Variants in SOX7 observed in about 807,000 individuals in gnomAD.
The protein encoded by SOX7 is transcription factor SOX-7.
SOX7 carries 19 observed loss-of-function variants against 24.9 expected under a neutral mutation model. That is an observed-to-expected ratio of 0.76 (90% confidence interval 0.53 to 1.12). The LOEUF (loss-of-function observed/expected upper bound fraction) is 1.12, where lower values mean the gene tolerates loss of function less well. Among genes scored for constraint, SOX7 ranks in the 50% most tolerant of loss-of-function variants. SOX7 has a pLI of 0.00. For missense variants in SOX7, 702 were observed against 535.0 expected, an observed-to-expected ratio of 1.31 and a Z score of -3.08; for synonymous variants, 327 against 244.5, an observed-to-expected ratio of 1.34 and a Z score of -3.15.
Position 10,726,029 on chromosome 8 carries a change from G to C in SOX7, c.876C>G (p.Leu292=), listed in dbSNP as rs774903179. 4.3e-5 allele frequency: 68 copies of C among 1,579,666 alleles called. 1 individual carries two copies. The South Asian group carries it at 7.5e-4, about 17-fold the overall frequency. ...AYYSPATYHP[L]HSNLQAHLGQ... ...CCAGGTGGGCTTGGAGGTTGGAGTG[G>C]AGTGGGTGGTAGGTGGCCGGGGAGT... The change falls in exon 2 of 2, where the codon CTC becomes CTG. Residue 292 remains leucine, a synonymous_variant. Coordinates refer to ENST00000304501, the MANE Select transcript of SOX7 (RefSeq NM_031439.4).
intron 1 of SOX7, among the ~76,000 whole-genome samples, chr8:10,729,990 G>C (rs557779365): frequency 6.6e-6 from 1 of 151,886 alleles, no homozygotes; most frequent in East Asian, 2.0e-4. Context: ...TTTCACTTTG[G>C]ACCGCGCCAA....
intron 1 of SOX7, among the ~76,000 whole-genome samples, chr8:10,729,081 A>C (rs1352830978): frequency 2.0e-5 from 3 of 152,050 alleles, no homozygotes; most frequent in Non-Finnish European, 2.9e-5. Flanking sequence ...CACTCCATCA[A>C]CTGCTTTGCA....
chr8:10,725,868 G>C lies in SOX7; in HGVS notation c.1037C>G (p.Thr346Arg). Residue 346 changes from threonine to arginine, a missense_variant, in exon 2 of 2, where the codon ACA becomes AGA. Thr to Arg is a moderately conservative substitution (Grantham distance 71). Transcript: ENST00000304501. ...LNTPGHPDSA[T>R]GAMALSGHVP... ...ATGCCCACTGAGGGCCATGGCCCCTGTGGCGGAGTCTGGGTGGCCAGGAGT... is the reference window on the plus strand; with the variant it reads ...ATGCCCACTGAGGGCCATGGCCCCTCTGGCGGAGTCTGGGTGGCCAGGAGT... 6.2e-7 allele frequency: 1 copy of C among 1,614,236 alleles called. No individual in the cohort carries two copies.
At position 10,730,215 on chromosome 8, in the gene SOX7, G is replaced by T. The variant is rs991656737; in HGVS notation, c.219C>A (p.Ala73=). 6.5e-7 allele frequency: 1 copy of T among 1,542,812 alleles called. No individual in the cohort carries two copies. The highest frequency in any genetic ancestry group is 2.1e-5 in the Admixed American group (1 of 48,764). ...LAVQNPDLHN[A]ELSKMLGKSW... The stretch of plus-strand genomic sequence containing the variant: ...ACTCACCCAGCATCTTGCTGAGCTC[G>T]GCGTTGTGCAGGTCCGGGTTCTGCA... The change falls in exon 1 of 2, where the codon GCC becomes GCA. Residue 73 remains alanine (A), a synonymous_variant. Transcript: ENST00000304501. This position sits in a 1 kb window ranked among gnomAD's most constrained non-coding sequence, Gnocchi z 4.8.
In SOX7 at chr8:10,727,014, G is replaced by A. The variant is rs957654471; in HGVS notation, c.239-348C>T. On this transcript the variant is annotated intron_variant, in intron 1 of 1. Transcript: ENST00000304501. ...CAGCTACGGGAAGAAAATATCTAAT[G>A]ATCACGATATTGATTGGGGCTCTTT... Among the ~76,000 whole-genome samples, 4 of 152,184 alleles carry A rather than the reference G, an allele frequency of 2.6e-5. No individual in the cohort carries two copies. The East Asian group carries it at 7.7e-4, about 29-fold the overall frequency.
chr8:10,729,871 G>C (rs1368231673), intron 1 of SOX7, among the ~76,000 whole-genome samples: 1 of 152,044 alleles, frequency 6.6e-6, no homozygotes, highest in Non-Finnish European at 1.5e-5. Flanking sequence ...ATGCACGCCG[G>C]TCCCTGTCGC....
At chr8:10,727,972 G>T (rs1563179908) in intron 1 of SOX7, among the ~76,000 whole-genome samples, 1 of 152,240 alleles carries the variant, frequency 6.6e-6, no homozygotes, top group Non-Finnish European at 1.5e-5. Flanking sequence ...TAAGGGCATT[G>T]TACCAATTGG....
intron 1 of SOX7, among the ~76,000 whole-genome samples, chr8:10,727,157 C>T (rs1201106263): frequency 6.6e-6 from 1 of 152,190 alleles, no homozygotes; most frequent in Non-Finnish European, 1.5e-5. Context: ...AATCTCACAG[C>T]CCTTTCTGGG....
In SOX7 at chr8:10,725,461, T is replaced by C; in HGVS notation, c.*277A>G. The C allele has an allele frequency of 2.0e-6, 1 of 497,622 alleles. No homozygotes were observed. The highest frequency in any genetic ancestry group is 3.6e-6 in the Non-Finnish European group (1 of 278,914). The allele number at this position is 497,622 out of a possible 1,614,324, so 30.8% of individuals were successfully genotyped here. On this transcript the variant is annotated 3_prime_UTR_variant, in exon 2 of 2. Transcript: ENST00000304501. ...TACCAAGAAAAGACGTCAGTGAACA[T>C]TCCACTGGGAGACAGCAACTCTCAG... is the stretch of plus-strand genomic sequence containing the variant.
At chr8:10,726,769 T>G in intron 1 of SOX7, 103 bp from the exon 2 acceptor site, 2 of 1,058,102 alleles carry the variant, frequency 1.9e-6, no homozygotes, top group East Asian at 2.6e-5. Context: ...CACACCTCCC[T>G]TCCCCCTCCC....
chr8:10,725,991 G>A lies in SOX7; in HGVS notation c.914C>T (p.Pro305Leu). Reference sequence around the variant, plus strand: ...GTCGAAGCCAGGGTGCTCAGGAGGCGGGGAAAGCTGGCCCAGGTGGGCTTG... The same window carrying A: ...GTCGAAGCCAGGGTGCTCAGGAGGCAGGGAAAGCTGGCCCAGGTGGGCTTG... Reference protein sequence around the residue: ...NLQAHLGQLSPPPEHPGFDAL... With the variant: ...NLQAHLGQLSLPPEHPGFDAL... Residue 305 changes from proline to leucine, a missense_variant, in exon 2 of 2, where the codon CCG becomes CTG. Coordinates refer to ENST00000304501, the MANE Select transcript of SOX7 (RefSeq NM_031439.4). 6.2e-7 allele frequency: 1 copy of A among 1,600,266 alleles called. No individual in the cohort carries two copies. Among genetic ancestry groups the A allele is most frequent in the Non-Finnish European group, 8.5e-7 (1 of 1,172,040 alleles).
rs1489200145 is a variant in SOX7 at position 10,726,553 on chromosome 8, T to G, written c.352A>C (p.Arg118=). Residue 118 remains arginine (R), a synonymous_variant, in exon 2 of 2, where the codon AGG becomes CGG. Coordinates refer to ENST00000304501, the MANE Select transcript of SOX7 (RefSeq NM_031439.4). ...CACAGCCGCTTGGCCTGCTTCTTCC[T>G]GCGCGGCCGGTACTTGTAGTTGGGG... ...DYPNYKYRPR[R]KKQAKRLCKR... 2 of 1,612,316 alleles carry G rather than the reference T, an allele frequency of 1.2e-6. No homozygotes were observed. The highest frequency in any genetic ancestry group is 3.3e-5 in the Admixed American group (2 of 60,026).
chr8:10,730,074 A>T lies in SOX7; in HGVS notation c.238+122T>A. ...GATGGCCAGCCACGCGGGCACGAAG[A>T]GGGCCCTCGTCCCGCGTGCCGGGTC... On this transcript the variant is annotated intron_variant, in intron 1 of 1. Coordinates refer to ENST00000304501, the MANE Select transcript of SOX7 (RefSeq NM_031439.4). The surrounding 1 kb of genome is among the most constrained non-coding windows in gnomAD (Gnocchi z 4.8). 1 of 594,156 alleles carries T rather than the reference A, an allele frequency of 1.7e-6. No homozygotes were observed. The highest frequency in any genetic ancestry group is 2.5e-6 in the Non-Finnish European group (1 of 403,598). The allele number at this position is 594,156 out of a possible 1,614,324, so 36.8% of individuals were successfully genotyped here.
chr8:10,724,022 C>A lies in SOX7; in HGVS notation c.*1716G>T, dbSNP rs1365718329. 6.6e-6 allele frequency: 1 copy of A among 152,140 alleles called. No homozygotes were observed. Among genetic ancestry groups the A allele is most frequent in the African/African-American group, 2.4e-5 (1 of 41,380 alleles). The allele number at this position is 152,140 out of a possible 1,614,324, so 9.4% of individuals were successfully genotyped here. ...TAATCATACCTTATAAGTGATTTTA[C>A]AATAGGACATCTTAGAAGGACAAAA... On this transcript the variant is annotated 3_prime_UTR_variant, in exon 2 of 2. Transcript: ENST00000304501.
chr8:10,726,938 G>A (rs1011268513), intron 1 of SOX7, among the ~76,000 whole-genome samples: 7 of 152,200 alleles, frequency 4.6e-5, no homozygotes, highest in African/African-American at 1.7e-4. Flanking sequence ...GCCAGAGCGT[G>A]CCCACACTAC....
intron 1 of SOX7, among the ~76,000 whole-genome samples, chr8:10,728,399 C>T (rs1364555217): frequency 6.6e-6 from 1 of 152,116 alleles, no homozygotes; most frequent in Non-Finnish European, 1.5e-5. Flanking sequence ...CCTCTCAGGT[C>T]AGAAAGGAAA....
At position 10,730,396 on chromosome 8, in the gene SOX7, C is replaced by A. The variant is rs764679856; in HGVS notation, c.38G>T (p.Gly13Val). 1.3e-6 allele frequency: 2 copies of A among 1,516,830 alleles called. No homozygotes were observed. The highest frequency in any genetic ancestry group is 1.5e-5 in the African/African-American group (1 of 68,022). The allele number at this position is 1,516,830 out of a possible 1,614,324, so 94.0% of individuals were successfully genotyped here. A position where few individuals can be genotyped will look rare whatever the true frequency, so the allele number is the denominator to read the frequency against. Reference protein sequence around the residue: ...SLLGAYPWPEGLECPALDAEL... With the variant: ...SLLGAYPWPEVLECPALDAEL... ...GGCGTCCAGGGCCGGGCACTCGAGACCCTCGGGCCAAGGGTAGGCTCCCAG... is the reference window on the plus strand; with the variant it reads ...GGCGTCCAGGGCCGGGCACTCGAGAACCTCGGGCCAAGGGTAGGCTCCCAG... Residue 13 changes from glycine to valine, a missense_variant, in exon 1 of 2, where the codon GGT becomes GTT. By Grantham distance (109) the Gly-to-Val change is moderately radical. Coordinates refer to ENST00000304501, the MANE Select transcript of SOX7 (RefSeq NM_031439.4). The surrounding 1 kb of genome is among the most constrained non-coding windows in gnomAD (Gnocchi z 4.8).
At chr8:10,728,373 G>A (rs759754895) in intron 1 of SOX7, among the ~76,000 whole-genome samples, 4 of 152,126 alleles carry the variant, frequency 2.6e-5, no homozygotes, top group South Asian at 2.1e-4. Context: ...GTTGAGACTC[G>A]CATATCCAGC....
intron 1 of SOX7, 70 bp from the exon 2 acceptor site, chr8:10,726,736 G>T: frequency 1.4e-6 from 2 of 1,380,596 alleles, no homozygotes; most frequent in South Asian, 1.4e-5. Flanking sequence ...GCACACGCGT[G>T]CACACACACG....
Sources: gnomAD v4.1 joint callset for allele counts (sites outside exome capture counted in the v4.1 genomes callset) on GRCh38, gnomAD v4.1.1 for gene constraint, Gnocchi (gnomAD v3.1) non-coding constraint, MANE v1.5 for transcripts, NCBI Gene and HGNC (gene_info 2026-07-23, HGNC 2026-07-21) for gene names.